CEP164: variants seen among roughly 807,000 people sequenced by gnomAD.
CEP164 encodes the protein centrosomal protein 164, also known as centrosomal protein of 164 kDa.
A neutral mutation model predicts 182.7 loss-of-function variants in CEP164; 162 were observed. The observed-to-expected ratio is 0.89, with a 90% CI of 0.78 to 1.01. The LOEUF (loss-of-function observed/expected upper bound fraction) is 1.01. Ranked by LOEUF, CEP164 falls within the 50% of genes least tolerant of loss-of-function variation. CEP164 has a pLI of 0.00. For synonymous variants in CEP164, 661 were observed against 690.0 expected, an observed-to-expected ratio of 0.96 and a Z score of 0.66; for missense variants, 1,735 against 1,790.4, an observed-to-expected ratio of 0.97 and a Z score of 0.56.
chr11:117,380,578 C>T (rs1366524771), intron 11 of CEP164, 36 bp from the exon 12 acceptor site: 12 of 1,548,792 alleles, frequency 7.7e-6, no homozygotes, highest in Non-Finnish European at 1.1e-5. Context: ...AATGCAGTCC[C>T]TCCAACACAA....
At chr11:117,408,761 A>AC in intron 28 of CEP164, 129 bp from the exon 29 acceptor site, 2 of 1,237,132 alleles carry the variant, frequency 1.6e-6, no homozygotes, top group Admixed American at 2.6e-5. Context: ...TTTGCGTAAG[A>AC]AAACCAGCTT....
At position 117,409,844 on chromosome 11, in the gene CEP164, A is replaced by T. The variant is rs762633677; in HGVS notation, c.3975A>T (p.Ser1325=). ...CCCTGGCCAGGTTCTCAGCCTTATC[A>T]TCTGCTACACCCACGTCCACCCAAT... ...YGSLARFSAL[S]SATPTSTQWA... Residue 1325 remains serine, a synonymous_variant, in exon 30 of 33, where the codon TCA becomes TCT. Transcript: ENST00000278935. The surrounding 1 kb of genome is among the most constrained non-coding windows in gnomAD (Gnocchi z 4.4). The T allele has an allele frequency of 1.3e-6, 2 of 1,592,428 alleles. No individual in the cohort carries two copies. Among genetic ancestry groups the T allele is most frequent in the Non-Finnish European group, 1.7e-6 (2 of 1,177,318 alleles).
At chr11:117,384,722 G>T (rs1411225901) in intron 14 of CEP164, 1 of 152,238 alleles carries the variant, frequency 6.6e-6, no homozygotes, top group East Asian at 1.9e-4. Context: ...TTCCTTTCCT[G>T]AGTCTCTTCA....
At chr11:117,388,640 A>C (rs2136273548) in intron 15 of CEP164, among the ~76,000 whole-genome samples, 1 of 152,218 alleles carries the variant, frequency 6.6e-6, no homozygotes, top group South Asian at 2.1e-4. Flanking sequence ...AAGGGATTGG[A>C]CTTAAAACTT....
Position 117,391,208 on chromosome 11 carries a change from G to T in CEP164, c.2276G>T (p.Arg759Met). ...CTGAGGGAGCAGCTGGAAGGGGAGA[G>T]GAAAGAAGTGAGCTAGTCAAGTGGG... ...QQLREQLEGE[R>M]KEAVATLEKE... Residue 759 changes from arginine (R) to methionine (M), a missense_variant, in exon 17 of 33, where the codon AGG becomes ATG. Physicochemically the swap from Arg to Met is moderately conservative, Grantham distance 91. Coordinates refer to ENST00000278935, the MANE Select transcript of CEP164 (RefSeq NM_014956.5). The T allele has an allele frequency of 6.2e-7, 1 of 1,608,448 alleles. No individual in the cohort carries two copies. Among genetic ancestry groups the T allele is most frequent in the Non-Finnish European group, 8.5e-7 (1 of 1,178,126 alleles).
chr11:117,382,771 C>T (rs773728163), intron 13 of CEP164, 25 bp from the exon 14 acceptor site: 1 of 1,611,450 alleles, frequency 6.2e-7, no homozygotes, highest in South Asian at 1.1e-5. Context: ...GGCTTTAACA[C>T]AGTTGTTTCC....
intron 30 of CEP164, chr11:117,410,167 G>C (rs1592518132): frequency 2.9e-6 from 2 of 691,868 alleles, no homozygotes; most frequent in Non-Finnish European, 5.2e-6. Context: ...GACATTGCAG[G>C]TGGCCCTGCA....
rs190006809 is a variant in CEP164, at chr11:117,398,670, G to A, written c.3501+1357G>A. On this transcript the variant is annotated intron_variant, in intron 27 of 32. Coordinates refer to ENST00000278935, the MANE Select transcript of CEP164 (RefSeq NM_014956.5). ...CTCAACACCACATGGAAGTTGCCAA[G>A]GTATGGGGCTTGCATCCTCTGAAAC... Among the ~76,000 whole-genome samples, 134 of 152,372 alleles carry A rather than the reference G, an allele frequency of 8.8e-4. 1 individual carries two copies. Among genetic ancestry groups the A allele is most frequent in the African/African-American group, 3.0e-3 (126 of 41,596 alleles).
Position 117,390,770 on chromosome 11 carries a change from A to G in CEP164, c.1935-7A>G, listed in dbSNP as rs202113432. 3 of 1,613,934 alleles carry G rather than the reference A, an allele frequency of 1.9e-6. No homozygotes were observed. The highest frequency in any genetic ancestry group is 2.5e-6 in the Non-Finnish European group (3 of 1,179,972). On this transcript the variant is annotated splice_region_variant and splice_polypyrimidine_tract_variant and intron_variant, in intron 15 of 32. Coordinates refer to ENST00000278935, the MANE Select transcript of CEP164 (RefSeq NM_014956.5). ...TCTGACAACCTAGCCTTTCCTTTCC[A>G]TCTCAGTTCCTTGAGGGAGCGGCTG...
At chr11:117,371,914 T>C (rs79426481) in intron 9 of CEP164, among the ~76,000 whole-genome samples, 1 of 150,872 alleles carries the variant, frequency 6.6e-6, no homozygotes, top group Non-Finnish European at 1.5e-5. Context: ...GCAGTCCTCC[T>C]ACCTCATCAT....
intron 28 of CEP164, 163 bp from the exon 29 acceptor site, chr11:117,408,727 A>G (rs1039021277): frequency 1.2e-5 from 10 of 854,556 alleles, no homozygotes; most frequent in African/African-American, 1.7e-5. Flanking sequence ...AGGAGAACAA[A>G]TGGAGATGGC....
Position 117,412,164 on chromosome 11 carries a change from T to C in CEP164, c.4379T>C (p.Phe1460Ser). The change falls in exon 33 of 33, where the codon TTC becomes TCC. Residue 1460 changes from phenylalanine to serine, a missense_variant. Phe to Ser is a radical substitution (Grantham distance 155). Coordinates refer to ENST00000278935, the MANE Select transcript of CEP164 (RefSeq NM_014956.5). ...CACAACAGAGTGAAGGTGTATCGCT[T>C]CTGAGGCCCTGAGCAGGGGCTTGGG... Reference protein sequence around the residue: ...DEHNRVKVYRF With the variant: ...DEHNRVKVYRS The C allele has an allele frequency of 6.2e-7, 1 of 1,613,956 alleles. No homozygotes were observed. The highest frequency in any genetic ancestry group is 8.5e-7 in the Non-Finnish European group (1 of 1,179,926).
chr11:117,361,893 G>C lies in CEP164; in HGVS notation c.452G>C (p.Arg151Pro), dbSNP rs564746056. ...HVPLGGLAPL[R>P]GLVDTPPSAL... is the part of the protein sequence containing the mutation. ...CCTCTTGGGGGCCTGGCTCCTTTACGAGGTCTTGTGGATACCCCACCCTCT... is the reference window on the plus strand; with the variant it reads ...CCTCTTGGGGGCCTGGCTCCTTTACCAGGTCTTGTGGATACCCCACCCTCT... Residue 151 changes from arginine to proline, a missense_variant, in exon 6 of 33, where the codon CGA becomes CCA. Coordinates refer to ENST00000278935, the MANE Select transcript of CEP164 (RefSeq NM_014956.5). The C allele has an allele frequency of 1.1e-5, 17 of 1,614,126 alleles. No individual in the cohort carries two copies. The highest frequency in any genetic ancestry group is 1.4e-5 in the Non-Finnish European group (17 of 1,180,012).
chr11:117,363,552 C>A, intron 8 of CEP164, 46 bp downstream of exon 8: 1 of 1,379,596 alleles, frequency 7.2e-7, no homozygotes, highest in Non-Finnish European at 1.0e-6. Context: ...CCTGGCATAT[C>A]CCTCCTGTTT....
intron 27 of CEP164, among the ~76,000 whole-genome samples, chr11:117,405,234 C>T (rs1165909221): frequency 6.6e-6 from 1 of 152,168 alleles, no homozygotes; most frequent in Non-Finnish European, 1.5e-5. Flanking sequence ...TCAGTGTCTG[C>T]CCAAATGACT....
chr11:117,358,648 A>G (rs562678680), intron 5 of CEP164, among the ~76,000 whole-genome samples: 1 of 151,262 alleles, frequency 6.6e-6, no homozygotes, highest in Non-Finnish European at 1.5e-5. Context: ...GGCTTAAGCA[A>G]TCCTCCCGAG....
In CEP164 at chr11:117,352,476, A is replaced by G. The variant is rs534785467; in HGVS notation, c.393+488A>G. Among the ~76,000 whole-genome samples the G allele has an allele frequency of 3.2e-4, 49 of 152,260 alleles. No homozygotes were observed. In the Middle Eastern group the frequency reaches 0.017, roughly 53 times the overall value. On this transcript the variant is annotated intron_variant, in intron 5 of 32. Transcript: ENST00000278935. ...GCCATAATTTAGTTGTCAAAACACC[A>G]GTGCGTTCAAGATTTGAAAGAAAAG...
At chr11:117,372,305 C>T (rs765080500) in intron 9 of CEP164, among the ~76,000 whole-genome samples, 3 of 152,010 alleles carry the variant, frequency 2.0e-5, no homozygotes, top group Admixed American at 6.6e-5. Flanking sequence ...GATGCGGTTT[C>T]GCCATGTTGC....
At position 117,411,759 on chromosome 11, in the gene CEP164, T is replaced by G. The variant is rs201298612; in HGVS notation, c.4164-36T>G. ...CATCCTCTGTCACTTCCGCGCCTCC[T>G]CTCTCCCCTCGCCATGCTCTCCTCT... On this transcript the variant is annotated intron_variant, in intron 31 of 32. Transcript: ENST00000278935. This position sits in a 1 kb window ranked among gnomAD's most constrained non-coding sequence, Gnocchi z 4.4. The G allele has an allele frequency of 6.2e-7, 1 of 1,613,180 alleles. No homozygotes were observed. Among genetic ancestry groups the G allele is most frequent in the African/African-American group, 1.3e-5 (1 of 75,006 alleles).
Sources: gnomAD v4.1 joint callset for allele counts (sites outside exome capture counted in the v4.1 genomes callset) on GRCh38, gnomAD v4.1.1 for gene constraint, Gnocchi (gnomAD v3.1) non-coding constraint, MANE v1.5 for transcripts, NCBI Gene and HGNC (gene_info 2026-07-23, HGNC 2026-07-21) for gene names.